The following MTHFD1 variants were observed in gnomAD, a reference collection of about 807,000 sequenced individuals.
MTHFD1 encodes the protein methylenetetrahydrofolate dehydrogenase, cyclohydrolase and formyltetrahydrofolate synthetase 1, also known as C-1-tetrahydrofolate synthase, cytoplasmic.
Under a neutral mutation model 110.3 loss-of-function variants are expected in MTHFD1, and 44 were observed. The ratio of observed to expected loss-of-function variants is 0.40; its 90% CI spans 0.31 to 0.51. The LOEUF (loss-of-function observed/expected upper bound fraction) is 0.51, where lower values mean the gene tolerates loss of function less well. MTHFD1 is among the 20% of genes least tolerant of loss of function. The pLI is 0.60. For synonymous variants in MTHFD1, 402 were observed against 428.8 expected, an observed-to-expected ratio of 0.94 and a Z score of 0.77; for missense variants, 909 against 1,173.1, an observed-to-expected ratio of 0.77 and a Z score of 3.29.
At chr14:64,434,949 CTTTT>C (rs374039248) in intron 15 of MTHFD1, among the ~76,000 whole-genome samples, 1 of 80,824 alleles carries the variant, frequency 1.2e-5, no homozygotes, top group Non-Finnish European at 2.4e-5. Flanking sequence ...TCCCTCTTTT[CTTTT>C]TTTTTTTTTT....
Position 64,405,647 on chromosome 14 carries a change from G to A in MTHFD1, c.126+4770G>A, listed in dbSNP as rs535532051. Among the ~76,000 whole-genome samples, 4 of 152,238 alleles carry A rather than the reference G, an allele frequency of 2.6e-5. No individual in the cohort carries two copies. The South Asian group carries it at 8.3e-4, about 32-fold the overall frequency. On this transcript the variant is annotated intron_variant, in intron 2 of 27. Coordinates refer to ENST00000652337, the MANE Select transcript of MTHFD1 (RefSeq NM_005956.4). ...TTGATTGTGCCTCTCATCAACTCTT[G>A]GAATCTGTTGCCTCCCCTTGATTCC...
intron 27 of MTHFD1, 29 bp from the exon 28 acceptor site, chr14:64,459,730 A>G: frequency 6.6e-7 from 1 of 1,518,520 alleles, no homozygotes; most frequent in Non-Finnish European, 8.8e-7. Context: ...TGCTTAGAGA[A>G]AACATTTATT....
At chr14:64,456,848 C>CTCAT (rs556123900) in intron 26 of MTHFD1, among the ~76,000 whole-genome samples, 295 of 152,308 alleles carry the variant, frequency 1.9e-3, no homozygotes, top group African/African-American at 6.8e-3. Context: ...CAGAAGATGA[C>CTCAT]TCTTTTTAAA....
In MTHFD1 at chr14:64,406,499, T is replaced by G. The variant is rs567106303; in HGVS notation, c.127-4591T>G. On this transcript the variant is annotated intron_variant, in intron 2 of 27. Transcript: ENST00000652337. ...GCATTTTTTATTTGTGGTTTTTTTT[T>G]TTTTTTTTTTTGAGACAGGGTCTCA... is the stretch of plus-strand genomic sequence containing the variant. Among the ~76,000 whole-genome samples the G allele has an allele frequency of 4.3e-3, 645 of 148,554 alleles. 7 individuals are homozygous for G. Among genetic ancestry groups the G allele is most frequent in the African/African-American group, 0.015 (611 of 40,460 alleles).
chr14:64,442,191 A>G, intron 20 of MTHFD1, 26 bp downstream of exon 20: 1 of 1,613,912 alleles, frequency 6.2e-7, no homozygotes, highest in Non-Finnish European at 8.5e-7. Flanking sequence ...AAAACCAGTG[A>G]ATAGACTGTA....
chr14:64,409,741 G>A (rs1169699897), intron 2 of MTHFD1, among the ~76,000 whole-genome samples: 2 of 152,114 alleles, frequency 1.3e-5, no homozygotes, highest in Non-Finnish European at 2.9e-5. Context: ...GGACTCTTCT[G>A]GCTCTTGCAA....
rs1398084882 is a variant in MTHFD1 at position 64,431,569 on chromosome 14, C to A, written c.1349C>A (p.Thr450Asn). The A allele has an allele frequency of 6.2e-7, 1 of 1,614,184 alleles. No individual in the cohort carries two copies. The highest frequency in any genetic ancestry group is 1.7e-5 in the Admixed American group (1 of 60,014). ...CTCACAGGTGACATCCATGCCATCACTGCAGCTAATAACCTCGTTGCTGCG... is the reference window on the plus strand; with the variant it reads ...CTCACAGGTGACATCCATGCCATCAATGCAGCTAATAACCTCGTTGCTGCG... Reference protein sequence around the residue: ...LHLTGDIHAITAANNLVAAAI... With the variant: ...LHLTGDIHAINAANNLVAAAI... The change falls in exon 14 of 28, where the codon ACT (threonine) becomes AAT (asparagine). Residue 450 changes from threonine (T) to asparagine (N), a missense_variant. By Grantham distance (65) the Thr-to-Asn change is moderately conservative. Coordinates refer to ENST00000652337, the MANE Select transcript of MTHFD1 (RefSeq NM_005956.4).
intron 2 of MTHFD1, among the ~76,000 whole-genome samples, chr14:64,401,999 A>C (rs2077901612): frequency 6.6e-6 from 1 of 152,192 alleles, no homozygotes; most frequent in Non-Finnish European, 1.5e-5. Flanking sequence ...GTGTAGCTAT[A>C]AAAGGGAAGA....
At chr14:64,441,157 A>C (rs977412851) in intron 18 of MTHFD1, 3 of 497,328 alleles carry the variant, frequency 6.0e-6, no homozygotes, top group Admixed American at 2.6e-5. Flanking sequence ...GCACCACTGC[A>C]CTCCAGCCTG....
intron 1 of MTHFD1, among the ~76,000 whole-genome samples, chr14:64,392,695 C>G (rs1163840655): frequency 6.6e-6 from 1 of 152,142 alleles, no homozygotes. Flanking sequence ...TGTGCCTTAG[C>G]TTCTGTATAT....
intron 9 of MTHFD1, 24 bp from the exon 10 acceptor site, chr14:64,425,706 T>C (rs745441823): frequency 1.9e-6 from 3 of 1,590,470 alleles, no homozygotes; most frequent in Non-Finnish European, 2.6e-6. Context: ...CTCTTCTAAG[T>C]TTCATTTATT....
At position 64,411,034 on chromosome 14, in the gene MTHFD1, T is replaced by C. The variant is rs978209842; in HGVS notation, c.127-56T>C. The C allele has an allele frequency of 3.3e-6, 4 of 1,200,398 alleles. No individual in the cohort carries two copies. The African/African-American group carries it at 6.0e-5, about 18-fold the overall frequency. 74.4% of individuals were successfully genotyped at this position (1,200,398 alleles called of 1,614,324 possible). On this transcript the variant is annotated intron_variant, in intron 2 of 27. Coordinates refer to ENST00000652337, the MANE Select transcript of MTHFD1 (RefSeq NM_005956.4). ...ATTAAAACTAAAATTGTAGAAGCTT[T>C]TCTGTGCACTTTGCCTTTCCCTAAT...
rs1029041049 is a variant in MTHFD1 at position 64,415,642 on chromosome 14, G to A, written c.381G>A (p.Leu127=). 1 of 1,612,568 alleles carries A rather than the reference G, an allele frequency of 6.2e-7. No individual in the cohort carries two copies. The highest frequency in any genetic ancestry group is 2.2e-5 in the East Asian group (1 of 44,872). Residue 127 remains leucine (L), a synonymous_variant, in exon 6 of 28, where the codon TTG becomes TTA. Coordinates refer to ENST00000652337, the MANE Select transcript of MTHFD1 (RefSeq NM_005956.4). ...AIAPEKDVDG[L]TSINAGKLAR... is the part of the protein sequence containing the mutation. ...TTATTTCCATCACTTTTTTAAGATT[G>A]ACTAGCATCAATGCTGGGAAACTTG...
At chr14:64,425,214 T>C (rs564031425) in intron 9 of MTHFD1, among the ~76,000 whole-genome samples, 3,819 of 149,656 alleles carry the variant, frequency 0.026, 150 homozygotes, top group African/African-American at 0.088. Flanking sequence ...CCCTTTCTTT[T>C]TTTTTTTTTT....
chr14:64,442,877 C>T (rs2078259466), intron 21 of MTHFD1, among the ~76,000 whole-genome samples: 1 of 152,002 alleles, frequency 6.6e-6, no homozygotes. Flanking sequence ...GCAGATCTGC[C>T]CAGGGCTGCC....
rs551803267 is a variant in MTHFD1 at position 64,426,896 on chromosome 14, A to C, written c.1128-441A>C. On this transcript the variant is annotated intron_variant, in intron 11 of 27. Coordinates refer to ENST00000652337, the MANE Select transcript of MTHFD1 (RefSeq NM_005956.4). ...ATATAAAATGAGAAATTAAAATTAT[A>C]GCCGTGTCTCTACAAGATAAAGTAT... is the stretch of plus-strand genomic sequence containing the variant. 2.3e-3 allele frequency among the ~76,000 whole-genome samples: 347 copies of C among 152,364 alleles called. 4 individuals carry two copies. Among genetic ancestry groups the C allele is most frequent in the Middle Eastern group, 3.4e-3 (1 of 294 alleles).
At chr14:64,440,329 G>T (rs1419796029) in intron 18 of MTHFD1, 63 bp downstream of exon 18, 10 of 1,594,248 alleles carry the variant, frequency 6.3e-6, no homozygotes, top group Non-Finnish European at 8.6e-6. Flanking sequence ...GGGTCTTTCA[G>T]CAGTTATTAA....
At chr14:64,392,945 C>T (rs1181013036) in intron 1 of MTHFD1, among the ~76,000 whole-genome samples, 1 of 152,104 alleles carries the variant, frequency 6.6e-6, no homozygotes, top group East Asian at 1.9e-4. Context: ...AAGTTTGGAA[C>T]CTTGGCTGTA....
At chr14:64,444,117 G>T (rs1309906950) in intron 21 of MTHFD1, among the ~76,000 whole-genome samples, 1 of 152,082 alleles carries the variant, frequency 6.6e-6, no homozygotes, top group East Asian at 1.9e-4. Flanking sequence ...GGGGGCTGGG[G>T]GGCGGGGCGG....
Sources: gnomAD v4.1 joint callset for allele counts (sites outside exome capture counted in the v4.1 genomes callset) on GRCh38, gnomAD v4.1.1 for gene constraint, MANE v1.5 for transcripts, NCBI Gene and HGNC (gene_info 2026-07-23, HGNC 2026-07-21) for gene names.